VOPP1: variants seen among roughly 807,000 people sequenced by gnomAD.
The protein encoded by VOPP1 is VOPP1 WW domain binding protein, also known as WW domain binding protein VOPP1.
In VOPP1, 8 loss-of-function variants were observed where a neutral mutation model predicts 23.5. The ratio of observed to expected loss-of-function variants is 0.34; its 90% CI spans 0.20 to 0.61. The LOEUF (loss-of-function observed/expected upper bound fraction) is 0.61, where lower values mean the gene tolerates loss of function less well. Among genes scored for constraint, VOPP1 ranks in the 20% least tolerant of loss-of-function variants. The probability of loss-of-function intolerance (pLI) is 0.78; values close to 1 mark genes in which losing one functional copy is unlikely to be tolerated. For missense variants in VOPP1, 174 were observed against 238.1 expected (o/e 0.73, Z 1.77); for synonymous variants, 83 against 97.3 (o/e 0.85, Z 0.86).
At chr7:55,480,257 T>A (rs1792603946) in intron 4 of VOPP1, among the ~76,000 whole-genome samples, 1 of 152,266 alleles carries the variant, frequency 6.6e-6, no homozygotes. Context: ...TTTGAAAATG[T>A]CTTCAAGCTC....
intron 1 of VOPP1, among the ~76,000 whole-genome samples, chr7:55,566,061 G>A (rs978109360): frequency 2.0e-5 from 3 of 152,198 alleles, no homozygotes; most frequent in African/African-American, 4.8e-5. Context: ...CAAAGGTGCA[G>A]CAGCTCATGA....
downstream of VOPP1, among the ~76,000 whole-genome samples, chr7:55,467,694 C>T (rs992458369): frequency 1.3e-5 from 2 of 152,222 alleles, no homozygotes; most frequent in Admixed American, 1.3e-4. Context: ...TTGTAAATGA[C>T]GTCTGCTTCC....
At chr7:55,521,776 G>A (rs1278733903) in intron 1 of VOPP1, 1 of 986,492 alleles carries the variant, frequency 1.0e-6, no homozygotes, top group Middle Eastern at 5.2e-4. Flanking sequence ...GTGCACACAG[G>A]CATCGGAGCA....
chr7:55,451,735 G>A (rs555134567), intron 4 of VOPP1, among the ~76,000 whole-genome samples: 6 of 152,226 alleles, frequency 3.9e-5, no homozygotes, highest in Non-Finnish European at 8.8e-5. Flanking sequence ...AGATTGCAGT[G>A]AGCCAAGATC....
chr7:55,547,775 G>A (rs972844004), intron 1 of VOPP1, among the ~76,000 whole-genome samples: 1 of 151,740 alleles, frequency 6.6e-6, no homozygotes, highest in African/African-American at 2.4e-5. Context: ...GTGGTGCCTG[G>A]TTCCCTCTTC....
At chr7:55,557,536 G>A (rs1000783924) in intron 1 of VOPP1, among the ~76,000 whole-genome samples, 7 of 151,160 alleles carry the variant, frequency 4.6e-5, no homozygotes, top group Non-Finnish European at 7.4e-5. Context: ...TATTTCAATC[G>A]TTGGCTTGAC....
At chr7:55,554,182 T>C (rs1797724060) in intron 1 of VOPP1, among the ~76,000 whole-genome samples, 1 of 152,218 alleles carries the variant, frequency 6.6e-6, no homozygotes, top group Admixed American at 6.5e-5. Context: ...GGCTGGTCAA[T>C]CCTAAAATGA....
intron 4 of VOPP1, among the ~76,000 whole-genome samples, chr7:55,484,495 T>A (rs954747139): frequency 6.6e-6 from 1 of 152,126 alleles, no homozygotes; most frequent in African/African-American, 2.4e-5. Flanking sequence ...CAGCACCATG[T>A]CCTCAGTGGA....
In VOPP1 at chr7:55,436,414, C is replaced by A. The variant is rs80219102; in HGVS notation, n.418-240G>T. ...TTTAAATGACAAATGGGAAAAGCCT[C>A]TAGTCCGTGTAAGTGCTCTGATGGG... is the stretch of plus-strand genomic sequence containing the variant. On this transcript the variant is annotated intron_variant and non_coding_transcript_variant, in intron 4 of 4. Transcript: ENST00000462326. 4.8e-3 allele frequency among the ~76,000 whole-genome samples: 724 copies of A among 152,316 alleles called. 7 individuals are homozygous for A. The highest frequency in any genetic ancestry group is 0.017 in the African/African-American group (689 of 41,572).
intron 2 of VOPP1, among the ~76,000 whole-genome samples, chr7:55,512,835 C>A (rs921704001): frequency 6.6e-6 from 1 of 152,188 alleles, no homozygotes; most frequent in African/African-American, 2.4e-5. Flanking sequence ...GTCCACAGAG[C>A]CATAAAGGGC....
At chr7:55,478,449 A>G (rs1011472136) in intron 4 of VOPP1, among the ~76,000 whole-genome samples, 3 of 152,248 alleles carry the variant, frequency 2.0e-5, no homozygotes, top group Non-Finnish European at 4.4e-5. Flanking sequence ...ACTCTAGCCA[A>G]AAAAGGGGGC....
In VOPP1 at chr7:55,459,415, T is replaced by C. The variant is rs567721163; in HGVS notation, n.418-23241A>G. On this transcript the variant is annotated intron_variant and non_coding_transcript_variant, in intron 4 of 4. Coordinates refer to the VOPP1 transcript ENST00000462326. Reference sequence around the variant, plus strand: ...ATGAGTTAGGAAAAATTCCCTCCTCTTCAATTGTTTTTAAACAGTTTGTGA... The same window carrying C: ...ATGAGTTAGGAAAAATTCCCTCCTCCTCAATTGTTTTTAAACAGTTTGTGA... Among the ~76,000 whole-genome samples, 9 of 152,322 alleles carry C rather than the reference T, an allele frequency of 5.9e-5. No homozygotes were observed. In the East Asian group the frequency reaches 1.2e-3, roughly 20 times the overall value.
intron 1 of VOPP1, among the ~76,000 whole-genome samples, chr7:55,542,133 T>C (rs1014680900): frequency 6.6e-6 from 1 of 152,216 alleles, no homozygotes; most frequent in Non-Finnish European, 1.5e-5. Context: ...ACAAATTTTA[T>C]GGATTCCTAA....
chr7:55,538,704 A>C lies in VOPP1; in HGVS notation c.55-17574T>G, dbSNP rs973611998. The C allele has an allele frequency of 2.0e-6, 3 of 1,528,266 alleles. No homozygotes were observed. In the African/African-American group the frequency reaches 4.1e-5, roughly 21 times the overall value. 94.7% of individuals were successfully genotyped at this position (1,528,266 alleles called of 1,614,324 possible). A position where few individuals can be genotyped will look rare whatever the true frequency, so the allele number is the denominator to read the frequency against. On this transcript the variant is annotated intron_variant, in intron 1 of 4. Coordinates refer to ENST00000285279, the MANE Select transcript of VOPP1 (RefSeq NM_030796.5). ...CTACAAACTACTTAGCTGTTCATCAAGAGAGGGCGGATTAAAATGAGTCAT... is the reference window on the plus strand; with the variant it reads ...CTACAAACTACTTAGCTGTTCATCACGAGAGGGCGGATTAAAATGAGTCAT...
At chr7:55,551,001 G>A (rs975007761) in intron 1 of VOPP1, among the ~76,000 whole-genome samples, 44 of 152,160 alleles carry the variant, frequency 2.9e-4, no homozygotes, top group African/African-American at 9.9e-4. Flanking sequence ...AGGACAGCCC[G>A]AGAAGAGGGA....
intron 1 of VOPP1, among the ~76,000 whole-genome samples, chr7:55,565,516 T>C (rs528602986): frequency 2.0e-5 from 3 of 152,280 alleles, no homozygotes; most frequent in Admixed American, 6.5e-5. Flanking sequence ...TACAAAACAA[T>C]ATGGGACACT....
intron 4 of VOPP1, among the ~76,000 whole-genome samples, chr7:55,481,325 T>C (rs2129013111): frequency 6.6e-6 from 1 of 152,344 alleles, no homozygotes; most frequent in South Asian, 2.1e-4. Context: ...AAAGTGCTTC[T>C]GTGGCACAGT....
Position 55,479,804 on chromosome 7 carries a change from A to C in VOPP1, c.329-6759T>G, listed in dbSNP as rs569002021. On this transcript the variant is annotated intron_variant, in intron 4 of 4. Transcript: ENST00000285279. ...CTGGTAACATGGAGCACACAGTGGA[A>C]GGCTTGAGCCTGGAACCCAGGAATT... 2.1e-3 allele frequency among the ~76,000 whole-genome samples: 315 copies of C among 152,368 alleles called. 1 individual carries two copies. Among genetic ancestry groups the C allele is most frequent in the African/African-American group, 7.1e-3 (297 of 41,588 alleles).
At chr7:55,515,919 C>T (rs1795376525) in intron 2 of VOPP1, 1 of 965,990 alleles carries the variant, frequency 1.0e-6, no homozygotes, top group Non-Finnish European at 1.2e-6. Flanking sequence ...AGGACATGCT[C>T]CTCGGTCAGT....
Sources: allele counts gnomAD v4.1 joint callset (sites outside exome capture counted in the v4.1 genomes callset), GRCh38; gene constraint gnomAD v4.1.1; transcripts MANE v1.5; gene names NCBI Gene and HGNC (gene_info 2026-07-23, HGNC 2026-07-21).